ICA1L: variants seen among roughly 807,000 people sequenced by gnomAD.
The protein encoded by ICA1L is islet cell autoantigen 1-like protein.
A neutral mutation model predicts 61.3 loss-of-function variants in ICA1L; 50 were observed. That is an observed-to-expected ratio of 0.82 (90% CI 0.65 to 1.03). The LOEUF (loss-of-function observed/expected upper bound fraction) is 1.03, where lower values mean the gene tolerates loss of function less well. Among genes scored for constraint, ICA1L ranks in the 50% least tolerant of loss-of-function variants. The probability of loss-of-function intolerance (pLI) is 0.00; values close to 1 mark genes in which losing one functional copy is unlikely to be tolerated. For missense variants in ICA1L, 508 were observed against 556.7 expected, an observed-to-expected ratio of 0.91 and a Z score of 0.88; for synonymous variants, 161 against 191.3, an observed-to-expected ratio of 0.84 and a Z score of 1.31.
chr2:202,827,306 T>G (rs1693873884), intron 2 of ICA1L, among the ~76,000 whole-genome samples: 1 of 151,942 alleles, frequency 6.6e-6, no homozygotes, highest in Non-Finnish European at 1.5e-5. Flanking sequence ...GGCAGGAGAA[T>G]CGCTTGAACC....
At chr2:202,811,824 G>C in intron 8 of ICA1L, 35 bp from the exon 9 acceptor site, 1 of 1,453,796 alleles carries the variant, frequency 6.9e-7, no homozygotes, top group Middle Eastern at 1.8e-4. Flanking sequence ...TAGATTTTTT[G>C]TTATAATACA....
intron 12 of ICA1L, 98 bp downstream of exon 12, chr2:202,785,820 A>G: frequency 6.3e-6 from 4 of 632,400 alleles, no homozygotes; most frequent in South Asian, 2.4e-5. Flanking sequence ...TTTCAGGACA[A>G]TGAGGTGAAA....
In ICA1L at chr2:202,779,660, GA is replaced by G. The variant is rs546012070; in HGVS notation, c.1334-13del. 8.5e-5 allele frequency: 124 copies of G among 1,455,136 alleles called. No individual in the cohort carries two copies. In the East Asian group the frequency reaches 1.4e-3, roughly 16 times the overall value. 90.1% of individuals were successfully genotyped at this position (1,455,136 alleles called of 1,614,324 possible). On this transcript the variant is annotated splice_polypyrimidine_tract_variant and intron_variant, in intron 12 of 12. Coordinates refer to ENST00000358299, the MANE Select transcript of ICA1L (RefSeq NM_001288622.3). ...GCCATTGTTGGGGGCTATTAAAAAAGAAAAAAAATACATTAAAGAGATTCAG... is the reference window on the plus strand; with the variant it reads ...GCCATTGTTGGGGGCTATTAAAAAAGAAAAAAATACATTAAAGAGATTCAG...
intron 10 of ICA1L, among the ~76,000 whole-genome samples, chr2:202,790,054 C>A (rs575443686): frequency 1.4e-4 from 22 of 152,330 alleles, no homozygotes; most frequent in African/African-American, 4.8e-4. Context: ...TTTCTGCTTT[C>A]CCTGGTCCTT....
At chr2:202,813,388 A>G (rs895867518) in intron 8 of ICA1L, among the ~76,000 whole-genome samples, 5 of 152,214 alleles carry the variant, frequency 3.3e-5, no homozygotes, top group Non-Finnish European at 7.4e-5. Flanking sequence ...CATAGAGAAG[A>G]TGGGAAAATG....
At chr2:202,826,591 C>T (rs535434753) in intron 2 of ICA1L, among the ~76,000 whole-genome samples, 165 of 152,264 alleles carry the variant, frequency 1.1e-3, no homozygotes, top group Middle Eastern at 3.4e-3. Context: ...TCTGGCTCAA[C>T]CTCCTGAGTA....
rs1277630514 is a variant in ICA1L, at chr2:202,803,476, C to T, written c.911-6512G>A. Among the ~76,000 whole-genome samples the T allele has an allele frequency of 4.9e-5, 7 of 143,276 alleles. No homozygotes were observed. The East Asian group carries it at 1.4e-3, about 30-fold the overall frequency. 94.0% of individuals were successfully genotyped at this position (143,276 alleles called of 152,430 possible). ...GGATGGAAAAGGGTTACTAAGAAAA[C>T]ATTATTTAATAAAAGAAAGCTAGTT... On this transcript the variant is annotated intron_variant, in intron 9 of 12. Coordinates refer to ENST00000358299, the MANE Select transcript of ICA1L (RefSeq NM_001288622.3).
At chr2:202,823,442 A>C (rs768285172) in intron 3 of ICA1L, among the ~76,000 whole-genome samples, 5 of 152,148 alleles carry the variant, frequency 3.3e-5, no homozygotes, top group Non-Finnish European at 7.3e-5. Context: ...TAAAAGATCT[A>C]GTGATTTCAG....
Position 202,838,624 on chromosome 2 carries a change from AATT to A in ICA1L, c.-7-9611_-7-9609del, listed in dbSNP as rs371269888. On this transcript the variant is annotated intron_variant, in intron 1 of 12. Transcript: ENST00000358299. ...GATGTTGCATGTAACACATATTTGC[AATT>A]ATTATATCTTCTTGATGAATTGATC... 2.7e-3 allele frequency among the ~76,000 whole-genome samples: 417 copies of A among 152,350 alleles called. 2 individuals carry two copies. Among genetic ancestry groups the A allele is most frequent in the Non-Finnish European group, 5.4e-3 (367 of 68,026 alleles).
intron 1 of ICA1L, among the ~76,000 whole-genome samples, chr2:202,835,163 T>C (rs1050962388): frequency 2.6e-5 from 4 of 152,070 alleles, no homozygotes; most frequent in Non-Finnish European, 4.4e-5. Flanking sequence ...TTCCTAAGTA[T>C]TTTAATTTTT....
intron 12 of ICA1L, among the ~76,000 whole-genome samples, chr2:202,781,682 A>T (rs1274986173): frequency 2.6e-5 from 4 of 152,238 alleles, no homozygotes; most frequent in East Asian, 1.9e-4. Flanking sequence ...ATGCCAGGGT[A>T]AATCCCATTC....
At chr2:202,837,474 A>G (rs574005743) in intron 1 of ICA1L, among the ~76,000 whole-genome samples, 34 of 149,516 alleles carry the variant, frequency 2.3e-4, no homozygotes, top group Admixed American at 2.0e-3. Context: ...TAGTAGAGAC[A>G]GGGTTTCACC....
intron 10 of ICA1L, among the ~76,000 whole-genome samples, chr2:202,792,800 C>T (rs1479717120): frequency 1.3e-5 from 2 of 151,476 alleles, no homozygotes; most frequent in Non-Finnish European, 2.9e-5. Context: ...TGAGACTCGG[C>T]CTCAAAAAAT....
chr2:202,839,205 G>A (rs1268081069), intron 1 of ICA1L, among the ~76,000 whole-genome samples: 1 of 151,972 alleles, frequency 6.6e-6, no homozygotes, highest in African/African-American at 2.4e-5. Flanking sequence ...GTCCTTAAAG[G>A]TGAAGTGAGT....
chr2:202,784,828 C>T (rs935816992), intron 12 of ICA1L, among the ~76,000 whole-genome samples: 20 of 152,024 alleles, frequency 1.3e-4, no homozygotes, highest in South Asian at 2.1e-4. Flanking sequence ...GGTTGTTGAA[C>T]GGGCATAAAG....
intron 9 of ICA1L, among the ~76,000 whole-genome samples, chr2:202,802,975 A>G (rs1693122846): frequency 6.6e-6 from 1 of 152,182 alleles, no homozygotes. Context: ...CAAATGGAAA[A>G]CAGAAAATAC....
chr2:202,803,591 G>A (rs1000609321), intron 9 of ICA1L, among the ~76,000 whole-genome samples: 3 of 152,070 alleles, frequency 2.0e-5, no homozygotes. Context: ...CTGGAGTGCA[G>A]TGGAGCAATC....
intron 1 of ICA1L, among the ~76,000 whole-genome samples, chr2:202,854,250 T>TTTAAACCAACAAA (rs1351578410): frequency 1.7e-4 from 25 of 149,908 alleles, no homozygotes; most frequent in African/African-American, 6.1e-4. Context: ...TCCTACTCTC[T>TTTAAACCAACAAA]GATAAAACAG....
Position 202,812,925 on chromosome 2 carries a change from T to A in ICA1L, c.867-1136A>T, listed in dbSNP as rs767418266. ...CTTATGAAATGTGAGAATGGAAAAA[T>A]TTTACTAAATTAATATGGTTCATAT... On this transcript the variant is annotated intron_variant, in intron 8 of 12. Coordinates refer to ENST00000358299, the MANE Select transcript of ICA1L (RefSeq NM_001288622.3). 2.3e-4 allele frequency among the ~76,000 whole-genome samples: 35 copies of A among 151,974 alleles called. 1 individual carries two copies. Among genetic ancestry groups the A allele is most frequent in the Non-Finnish European group, 4.9e-4 (33 of 68,004 alleles).
Sources: gnomAD v4.1 joint callset for allele counts (sites outside exome capture counted in the v4.1 genomes callset) on GRCh38, gnomAD v4.1.1 for gene constraint, MANE v1.5 for transcripts, NCBI Gene and HGNC (gene_info 2026-07-23, HGNC 2026-07-21) for gene names.